KIAA1217: variants seen among roughly 807,000 people sequenced by gnomAD.
KIAA1217 encodes KIAA1217, also known as sickle tail protein homolog.
A neutral mutation model predicts 163.9 loss-of-function variants in KIAA1217; 88 were observed. The observed-to-expected ratio is 0.54, with a 90% CI of 0.45 to 0.64. The LOEUF is 0.64. Ranked by LOEUF, KIAA1217 falls within the 30% of genes least tolerant of loss-of-function variation. The pLI, the probability that KIAA1217 is intolerant of heterozygous loss-of-function variation, is 0.00. For missense variants in KIAA1217, 2,372 were observed against 2,475.0 expected (o/e 0.96, Z 0.88); for synonymous variants, 903 against 923.1 (o/e 0.98, Z 0.39).
chr10:24,353,212 G>A (rs887834559), intron 2 of KIAA1217, among the ~76,000 whole-genome samples: 1 of 152,186 alleles, frequency 6.6e-6, no homozygotes, highest in East Asian at 1.9e-4. Context: ...GAAAATGGCT[G>A]TGAAACGACA....
intron 2 of KIAA1217, among the ~76,000 whole-genome samples, chr10:24,166,919 T>A (rs902035735): frequency 1.3e-5 from 2 of 152,138 alleles, no homozygotes; most frequent in African/African-American, 2.4e-5. Flanking sequence ...ATCATTTTTT[T>A]AAAAAAGAAT....
chr10:23,827,699 C>G (rs1837964780), intron 1 of KIAA1217, among the ~76,000 whole-genome samples: 1 of 152,202 alleles, frequency 6.6e-6, no homozygotes, highest in Non-Finnish European at 1.5e-5. Flanking sequence ...TCCTCCTCAG[C>G]CTATTGACTA....
intron 2 of KIAA1217, among the ~76,000 whole-genome samples, chr10:24,236,778 A>C (rs1299061830): frequency 2.0e-5 from 3 of 151,722 alleles, no homozygotes; most frequent in Admixed American, 6.6e-5. Flanking sequence ...CAACCTCCCA[A>C]GTAGCTGGGA....
rs2067069567 is a variant in KIAA1217, at chr10:24,197,964, A to G, written c.-170-21662A>G. On this transcript the variant is annotated intron_variant, in intron 2 of 18. Coordinates refer to the KIAA1217 transcript ENST00000376462. ...CTGCCACATCCACCATCATTCCATC[A>G]TCTTTCCTATCACATCCCTCCTGGG... 2.6e-5 allele frequency among the ~76,000 whole-genome samples: 4 copies of G among 152,198 alleles called. No homozygotes were observed. In the South Asian group the frequency reaches 6.2e-4, roughly 24 times the overall value.
intron 1 of KIAA1217, among the ~76,000 whole-genome samples, chr10:23,826,667 T>A (rs1342804017): frequency 5.3e-5 from 8 of 152,180 alleles, no homozygotes; most frequent in African/African-American, 1.9e-4. Flanking sequence ...CCTTCCATGC[T>A]GGGAACATAA....
chr10:24,122,833 G>A (rs963166132), intron 2 of KIAA1217, among the ~76,000 whole-genome samples: 1 of 151,640 alleles, frequency 6.6e-6, no homozygotes, highest in African/African-American at 2.4e-5. Context: ...AAATAATGAA[G>A]CTATGCCCCC....
chr10:24,386,502 G>A (rs1166123635), intron 3 of KIAA1217, among the ~76,000 whole-genome samples: 1 of 152,190 alleles, frequency 6.6e-6, no homozygotes, highest in Non-Finnish European at 1.5e-5. Flanking sequence ...ACAACTGTAA[G>A]ACTAATGTGA....
chr10:24,546,234 G>A lies in KIAA1217; in HGVS notation c.5742G>A (p.Arg1914=), dbSNP rs776036244. Residue 1914 remains arginine, a synonymous_variant, in exon 21 of 21, where the codon AGG becomes AGA. Coordinates refer to ENST00000376454, the MANE Select transcript of KIAA1217 (RefSeq NM_019590.5). The part of the protein sequence containing the change: ...VSLNQGAKGT[R]TIHTPSLTSY... The stretch of plus-strand genomic sequence containing the variant: ...TGAATCAAGGTGCCAAGGGCACCAG[G>A]ACCATCCATACTCCCAGCCTCACCA... 3 of 1,614,098 alleles carry A rather than the reference G, an allele frequency of 1.9e-6. No homozygotes were observed. The highest frequency in any genetic ancestry group is 2.2e-5 in the East Asian group (1 of 44,872).
chr10:24,445,132 ACT>A (rs1199692514), intron 5 of KIAA1217, among the ~76,000 whole-genome samples: 2 of 152,116 alleles, frequency 1.3e-5, no homozygotes, highest in Admixed American at 1.3e-4. Flanking sequence ...TTAGTCAGTA[ACT>A]CTGGCAAAGT....
At chr10:24,317,048 A>T (rs1353045872) in intron 2 of KIAA1217, among the ~76,000 whole-genome samples, 1 of 152,136 alleles carries the variant, frequency 6.6e-6, no homozygotes. Flanking sequence ...AAAGGCTAGA[A>T]TTATAAATTA....
rs372630101 is a variant in KIAA1217 at position 23,947,324 on chromosome 10, C to G, written c.-320-59901C>G. Among the ~76,000 whole-genome samples the G allele has an allele frequency of 7.9e-5, 12 of 152,112 alleles. 1 individual carries two copies. In the East Asian group the frequency reaches 1.3e-3, roughly 17 times the overall value. On this transcript the variant is annotated intron_variant, in intron 1 of 18. Transcript: ENST00000376462. ...AGTTAAATAAAAAGCTTCCAAAGAA[C>G]CTTTGTTTAGCTGGCCAAAACCACG...
At chr10:24,077,185 A>G (rs930014428) in intron 2 of KIAA1217, among the ~76,000 whole-genome samples, 4 of 151,858 alleles carry the variant, frequency 2.6e-5, no homozygotes, top group African/African-American at 9.7e-5. Context: ...CCTATTTCCA[A>G]TTTTTATTTT....
intron 1 of KIAA1217, among the ~76,000 whole-genome samples, chr10:23,782,674 C>T (rs1267519890): frequency 1.3e-5 from 2 of 152,184 alleles, no homozygotes; most frequent in East Asian, 3.9e-4. Flanking sequence ...CTCATGTGAG[C>T]TGCCTGCATG....
At chr10:23,707,112 T>C (rs1836938366) in intron 1 of KIAA1217, among the ~76,000 whole-genome samples, 2 of 152,200 alleles carry the variant, frequency 1.3e-5, no homozygotes, top group South Asian at 4.2e-4. Context: ...TGAGAACATA[T>C]AGGTTAAAGG....
chr10:24,057,257 AAAAT>A (rs1411462071), intron 2 of KIAA1217, among the ~76,000 whole-genome samples: 2 of 152,210 alleles, frequency 1.3e-5, no homozygotes, highest in Admixed American at 6.5e-5. Flanking sequence ...AAAAAAATAA[AAAAT>A]AAATAAAATG....
At chr10:23,985,789 G>T (rs930532820) in intron 1 of KIAA1217, among the ~76,000 whole-genome samples, 1 of 152,122 alleles carries the variant, frequency 6.6e-6, no homozygotes, top group Non-Finnish European at 1.5e-5. Context: ...TGGTCCAATG[G>T]CTTCCTTTCT....
intron 2 of KIAA1217, among the ~76,000 whole-genome samples, chr10:24,284,856 A>G (rs1221982292): frequency 6.6e-6 from 1 of 152,234 alleles, no homozygotes; most frequent in African/African-American, 2.4e-5. Flanking sequence ...CAATCCGACC[A>G]ACAGTATATG....
In KIAA1217 at chr10:24,513,334, A is replaced by G. The variant is rs774096302; in HGVS notation, c.2077A>G (p.Met693Val). The change falls in exon 10 of 21, where the codon ATG becomes GTG. Residue 693 changes from methionine to valine, a missense_variant. By Grantham distance (21) the Met-to-Val change is conservative. This residue lies in a region of KIAA1217 where 1,431 missense variants were observed against 1,470.3 expected (regional missense o/e 0.97). Transcript: ENST00000376454. The stretch of plus-strand genomic sequence containing the variant: ...AATCAGTGGCAAAGTGATGGAAACA[A>G]TGAAGAGACTGGAGGATCCCGTGCA... ...LEISGKVMET[M>V]KRLEDPVQRQ... is the part of the protein sequence containing the mutation. 2.5e-6 allele frequency: 4 copies of G among 1,614,104 alleles called. No homozygotes were observed. Among genetic ancestry groups the G allele is most frequent in the African/African-American group, 2.7e-5 (2 of 74,950 alleles).
At chr10:24,538,731 G>GA (rs1564894700) in intron 17 of KIAA1217, among the ~76,000 whole-genome samples, 1 of 95,538 alleles carries the variant, frequency 1.0e-5, no homozygotes, top group Non-Finnish European at 2.2e-5. Context: ...TATTGTTTTT[G>GA]GTTTTTTTTT....
Sources: allele counts gnomAD v4.1 joint callset (sites outside exome capture counted in the v4.1 genomes callset), GRCh38; gene constraint gnomAD v4.1.1; regional missense constraint gnomAD v4.1.1; transcripts MANE v1.5; gene names NCBI Gene and HGNC (gene_info 2026-07-23, HGNC 2026-07-21).